The following PTPRJ variants were observed in gnomAD, a reference collection of about 807,000 sequenced individuals.
The protein encoded by PTPRJ is protein tyrosine phosphatase receptor type J.
PTPRJ carries 129 observed loss-of-function variants against 141.3 expected under a neutral mutation model. That is an observed-to-expected ratio of 0.91 (90% CI 0.79 to 1.06). The LOEUF is 1.06. Among genes scored for constraint, PTPRJ ranks in the 50% least tolerant of loss-of-function variants. PTPRJ has a pLI of 0.00. For synonymous variants in PTPRJ, 610 were observed against 640.5 expected (o/e 0.95, Z 0.72); for missense variants, 1,601 against 1,679.7 (o/e 0.95, Z 0.82).
chr11:48,146,993 C>A, intron 15 of PTPRJ, 30 bp downstream of exon 15: 1 of 1,574,472 alleles, frequency 6.4e-7, no homozygotes, highest in Non-Finnish European at 8.7e-7. Context: ...TAATAATACT[C>A]TGGTATTTAA....
At chr11:48,082,772 G>A (rs1336995382) in intron 1 of PTPRJ, among the ~76,000 whole-genome samples, 1 of 151,982 alleles carries the variant, frequency 6.6e-6, no homozygotes, top group African/African-American at 2.4e-5. Flanking sequence ...AATTCATGCG[G>A]TGCAATAAAC....
At chr11:48,083,423 C>G (rs867813204) in intron 1 of PTPRJ, among the ~76,000 whole-genome samples, 2 of 152,340 alleles carry the variant, frequency 1.3e-5, no homozygotes, top group African/African-American at 4.8e-5. Flanking sequence ...GAGTGAAACT[C>G]TGTCTCAAAT....
At chr11:48,120,591 A>G (rs757123434) in intron 3 of PTPRJ, among the ~76,000 whole-genome samples, 1 of 151,610 alleles carries the variant, frequency 6.6e-6, no homozygotes, top group Non-Finnish European at 1.5e-5. Flanking sequence ...ACACCCAGCT[A>G]ATTTTTTTTT....
At chr11:48,120,240 AATCCCAG>A (rs537817609) in intron 3 of PTPRJ, among the ~76,000 whole-genome samples, 146 of 152,302 alleles carry the variant, frequency 9.6e-4, no homozygotes, top group African/African-American at 3.4e-3. Context: ...GCAGGTCTTT[AATCCCAG>A]ATCTGGGTTC....
At chr11:48,162,373 TCCTCTCCCTCCTC>T (rs532991535) in intron 22 of PTPRJ, among the ~76,000 whole-genome samples, 2,501 of 145,254 alleles carry the variant, frequency 0.017, 79 homozygotes, top group African/African-American at 0.058. Flanking sequence ...CCACTCCCTT[TCCTCTCCCTCCTC>T]CCTCTCCCTC....
At chr11:48,163,399 T>G (rs1857833635) in intron 22 of PTPRJ, 59 bp from the exon 23 acceptor site, 5 of 1,534,928 alleles carry the variant, frequency 3.3e-6, no homozygotes, top group Admixed American at 3.4e-5. Flanking sequence ...TTCCCCTGCC[T>G]TTTTGATGTT....
chr11:48,110,441 C>T (rs137938668), intron 2 of PTPRJ, among the ~76,000 whole-genome samples: 440 of 152,308 alleles, frequency 2.9e-3, no homozygotes, highest in African/African-American at 9.7e-3. Context: ...TCAGGTGATC[C>T]GCCCGCCTTG....
At chr11:48,017,466 C>T (rs1291939925) in intron 1 of PTPRJ, among the ~76,000 whole-genome samples, 1 of 152,190 alleles carries the variant, frequency 6.6e-6, no homozygotes, top group East Asian at 1.9e-4. Context: ...GATACTTATA[C>T]ATTGCTATAA....
At chr11:48,031,123 T>A (rs748886709) in intron 1 of PTPRJ, among the ~76,000 whole-genome samples, 3 of 152,240 alleles carry the variant, frequency 2.0e-5, no homozygotes, top group Non-Finnish European at 4.4e-5. Flanking sequence ...TGGTGACCAT[T>A]GCCTGTTAGA....
chr11:48,102,292 T>A (rs944703602), intron 1 of PTPRJ, among the ~76,000 whole-genome samples: 2 of 152,346 alleles, frequency 1.3e-5, no homozygotes, highest in South Asian at 2.1e-4. Context: ...CTCCAAGCAC[T>A]TCCCCCCGGG....
intron 24 of PTPRJ, among the ~76,000 whole-genome samples, chr11:48,166,062 A>G (rs981274797): frequency 2.3e-4 from 34 of 150,918 alleles, no homozygotes; most frequent in Non-Finnish European, 1.6e-4. Context: ...ATGGGGTTTC[A>G]CCATGTTGGC....
In PTPRJ at chr11:48,149,484, A is replaced by G. The variant is rs1341893292; in HGVS notation, c.3037A>G (p.Ile1013Val). ...AKNNEVSFSQ[I>V]KPKKSKLIRV... ...GAATAATGAAGTGTCCTTTTCTCAA[A>G]TTAAGTAAGTCTCTCAAATTATGAG... The change falls in exon 16 of 25, where the codon ATT (isoleucine) becomes GTT (valine). Residue 1013 changes from isoleucine (I) to valine (V), a missense_variant. Coordinates refer to ENST00000418331, the MANE Select transcript of PTPRJ (RefSeq NM_002843.4). 1 of 1,500,070 alleles carries G rather than the reference A, an allele frequency of 6.7e-7. No individual in the cohort carries two copies. The highest frequency in any genetic ancestry group is 1.2e-5 in the South Asian group (1 of 82,572). The allele number at this position is 1,500,070 out of a possible 1,614,324, so 92.9% of individuals were successfully genotyped here.
At chr11:48,129,125 A>C (rs1856909330) in intron 7 of PTPRJ, among the ~76,000 whole-genome samples, 1 of 152,224 alleles carries the variant, frequency 6.6e-6, no homozygotes, top group Non-Finnish European at 1.5e-5. Flanking sequence ...CAGTTGTATG[A>C]AACAGAAACT....
At chr11:48,110,702 T>G (rs1255958941) in intron 2 of PTPRJ, among the ~76,000 whole-genome samples, 1 of 152,228 alleles carries the variant, frequency 6.6e-6, no homozygotes, top group Non-Finnish European at 1.5e-5. Context: ...TTTTCTTGTG[T>G]TGCTACATTG....
At position 48,137,134 on chromosome 11, in the gene PTPRJ, A is replaced by G; in HGVS notation, c.2005A>G (p.Asn669Asp). ...TATTGAGAAGGCTGGAAATTCCAGC[A>G]ACGCAACACAAGTAGTCACGGACAT... Reference protein sequence around the residue: ...LLIEKAGNSSNATQVVTDIGI... With the variant: ...LLIEKAGNSSDATQVVTDIGI... Residue 669 changes from asparagine to aspartate, a missense_variant, in exon 10 of 25, where the codon AAC becomes GAC. By Grantham distance (23) the Asn-to-Asp change is conservative (BLOSUM62 1). Coordinates refer to ENST00000418331, the MANE Select transcript of PTPRJ (RefSeq NM_002843.4). The G allele has an allele frequency of 6.2e-7, 1 of 1,612,784 alleles. No homozygotes were observed. Among genetic ancestry groups the G allele is most frequent in the Non-Finnish European group, 8.5e-7 (1 of 1,178,746 alleles).
intron 1 of PTPRJ, among the ~76,000 whole-genome samples, chr11:48,093,965 C>G (rs1855937755): frequency 6.6e-6 from 1 of 152,206 alleles, no homozygotes; most frequent in Admixed American, 6.5e-5. Flanking sequence ...GCATTAACTG[C>G]TGACCTTGCC....
intron 1 of PTPRJ, among the ~76,000 whole-genome samples, chr11:48,057,653 C>T (rs1422538770): frequency 6.6e-6 from 1 of 151,992 alleles, no homozygotes; most frequent in Non-Finnish European, 1.5e-5. Context: ...CTCCTGAGCC[C>T]TGGGGGAGAA....
At chr11:48,155,206 G>A (rs2134380405) in intron 19 of PTPRJ, among the ~76,000 whole-genome samples, 1 of 152,094 alleles carries the variant, frequency 6.6e-6, no homozygotes, top group East Asian at 1.9e-4. Context: ...ATTTATACTT[G>A]AACTTGGTAC....
At chr11:48,051,172 T>A (rs1207351590) in intron 1 of PTPRJ, among the ~76,000 whole-genome samples, 1 of 143,630 alleles carries the variant, frequency 7.0e-6, no homozygotes, top group Non-Finnish European at 1.5e-5. Context: ...CTTGGCTTAC[T>A]GCAACCTCTG....
Sources: gnomAD v4.1 joint callset for allele counts (sites outside exome capture counted in the v4.1 genomes callset) on GRCh38, gnomAD v4.1.1 for gene constraint, MANE v1.5 for transcripts, NCBI Gene and HGNC (gene_info 2026-07-23, HGNC 2026-07-21) for gene names.